Variants in CREB1 observed in about 807,000 individuals in gnomAD.
CREB1 encodes cyclic AMP-responsive element-binding protein 1.
CREB1 carries 2 observed loss-of-function variants against 42.0 expected under a neutral mutation model. The observed-to-expected ratio is 0.05, with a 90% confidence interval of 0.02 to 0.15. The LOEUF is 0.15. Among genes scored for constraint, CREB1 ranks in the 10% least tolerant of loss-of-function variants. The probability of loss-of-function intolerance (pLI) is 1.00; values close to 1 mark genes in which losing one functional copy is unlikely to be tolerated. For synonymous variants in CREB1, 123 were observed against 139.9 expected (o/e 0.88, Z 0.85); for missense variants, 199 against 388.9 (o/e 0.51, Z 4.11).
rs143420928 is a variant in CREB1, at chr2:207,596,410, G to T, written c.840-504G>T. ...ATGTAATTTTTAAGTGGTCATTTAG[G>T]TCTTGTTTGTTTATGGAGTTGTTTT... On this transcript the variant is annotated intron_variant, in intron 7 of 7. Coordinates refer to ENST00000353267, the MANE Select transcript of CREB1 (RefSeq NM_004379.5). 5.9e-3 allele frequency among the ~76,000 whole-genome samples: 894 copies of T among 152,234 alleles called. 4 individuals are homozygous for T. Among genetic ancestry groups the T allele is most frequent in the African/African-American group, 0.021 (852 of 41,554 alleles).
At chr2:207,580,864 C>G (rs1260265840) in intron 7 of CREB1, 1 of 219,184 alleles carries the variant, frequency 4.6e-6, no homozygotes, top group Non-Finnish European at 9.2e-6. Context: ...GATAGAGCAG[C>G]ACGTCTTTGA....
chr2:207,582,848 G>C, intron 7 of CREB1: 1 of 334,262 alleles, frequency 3.0e-6, no homozygotes, highest in South Asian at 2.3e-5. Context: ...AGCTGAGATG[G>C]CACTACTACT....
chr2:207,570,470 T>C, intron 5 of CREB1, 149 bp downstream of exon 5: 1 of 694,954 alleles, frequency 1.4e-6, no homozygotes. Context: ...CTCTTCACTA[T>C]GCAAAGGTCT....
intron 1 of CREB1, among the ~76,000 whole-genome samples, chr2:207,544,939 G>T (rs933862343): frequency 6.6e-6 from 1 of 152,202 alleles, no homozygotes. Flanking sequence ...TGGTGTGTAT[G>T]TACCACATTT....
intron 2 of CREB1, among the ~76,000 whole-genome samples, chr2:207,557,285 A>G (rs2081766764): frequency 6.6e-6 from 1 of 152,098 alleles, no homozygotes; most frequent in Non-Finnish European, 1.5e-5. Flanking sequence ...CTTTCTCCCT[A>G]CTTCCATTTT....
chr2:207,550,330 ATTCT>A (rs1258407954), intron 1 of CREB1: 12 of 131,632 alleles, frequency 9.1e-5, no homozygotes, highest in African/African-American at 2.9e-4. Flanking sequence ...AGTTGAGGTC[ATTCT>A]TTTTTTTTTT....
At position 207,604,007 on chromosome 2, in the gene CREB1, A is replaced by G. The variant is rs758045223; in HGVS notation, c.*6949A>G. Reference sequence around the variant, plus strand: ...TGTATTGGAAGGCTTAATGAATTTCATTTATTTTCTGCAACAACGATTACA... The same window carrying G: ...TGTATTGGAAGGCTTAATGAATTTCGTTTATTTTCTGCAACAACGATTACA... On this transcript the variant is annotated 3_prime_UTR_variant, in exon 8 of 8. Coordinates refer to ENST00000353267, the MANE Select transcript of CREB1 (RefSeq NM_004379.5). Among the ~76,000 whole-genome samples, 3 of 152,196 alleles carry G rather than the reference A, an allele frequency of 2.0e-5. No homozygotes were observed. The highest frequency in any genetic ancestry group is 7.2e-5 in the African/African-American group (3 of 41,460).
At chr2:207,549,308 G>A (rs139245098) in intron 1 of CREB1, among the ~76,000 whole-genome samples, 3 of 152,172 alleles carry the variant, frequency 2.0e-5, no homozygotes, top group Non-Finnish European at 4.4e-5. Context: ...ACTATTATTA[G>A]CATCAGAAAC....
At chr2:207,553,863 T>G (rs2081612209) in intron 1 of CREB1, among the ~76,000 whole-genome samples, 1 of 152,226 alleles carries the variant, frequency 6.6e-6, no homozygotes. Flanking sequence ...TAGTTTAGTG[T>G]TTAATCTTGC....
At chr2:207,584,317 T>C (rs1320645309) in intron 7 of CREB1, among the ~76,000 whole-genome samples, 2 of 152,224 alleles carry the variant, frequency 1.3e-5, no homozygotes, top group Non-Finnish European at 2.9e-5. Context: ...TTGCCAAAAC[T>C]TGACATTGTC....
intron 4 of CREB1, chr2:207,567,966 CAG>C (rs1209006972): frequency 6.5e-6 from 1 of 153,040 alleles, no homozygotes; most frequent in East Asian, 1.9e-4. Context: ...ATAATTGTCT[CAG>C]GGAGATGCTT....
intron 7 of CREB1, chr2:207,580,833 T>A (rs2082874750): frequency 4.5e-6 from 1 of 221,402 alleles, no homozygotes. Context: ...TGTGCCCATC[T>A]GGGTCTAGGA....
chr2:207,579,843 T>G (rs2082780540), intron 7 of CREB1, among the ~76,000 whole-genome samples: 1 of 152,104 alleles, frequency 6.6e-6, no homozygotes, highest in Non-Finnish European at 1.5e-5. Flanking sequence ...ACTTGGCAAA[T>G]CTAGTATTTT....
chr2:207,577,371 G>A (rs2709387), intron 6 of CREB1, 134 bp from the exon 7 acceptor site: 205,475 of 1,232,066 alleles, frequency 0.17, 18,441 homozygotes, highest in Non-Finnish European at 0.18. Context: ...TTCTTTCAAC[G>A]CTTTAGCCAG....
intron 3 of CREB1, among the ~76,000 whole-genome samples, chr2:207,561,609 C>A (rs1029713437): frequency 2.0e-5 from 3 of 152,162 alleles, no homozygotes; most frequent in African/African-American, 7.2e-5. Context: ...ATCCCCCGCA[C>A]CCTTCCTATT....
chr2:207,582,916 A>ATAT lies in CREB1; in HGVS notation c.839+5261_839+5262insTAT, dbSNP rs200152562. 3.4e-3 allele frequency: 794 copies of ATAT among 232,434 alleles called. 3 individuals carry two copies. Among genetic ancestry groups the ATAT allele is most frequent in the Middle Eastern group, 0.015 (24 of 1,574 alleles). The allele number at this position is 232,434 out of a possible 1,614,324, so 14.4% of individuals were successfully genotyped here. A position where few individuals can be genotyped will look rare whatever the true frequency, so the allele number is the denominator to read the frequency against. On this transcript the variant is annotated intron_variant, in intron 7 of 7. Transcript: ENST00000353267. ...AAAAAAACAAACAAACAAACAAAAA[A>ATAT]AAATATATATATATACATACACACA...
At chr2:207,532,627 C>T (rs546907023) in intron 1 of CREB1, among the ~76,000 whole-genome samples, 1 of 151,564 alleles carries the variant, frequency 6.6e-6, no homozygotes, top group Non-Finnish European at 1.5e-5. Context: ...GAGCCGAGAT[C>T]GCGCCACTGC....
intron 1 of CREB1, among the ~76,000 whole-genome samples, chr2:207,553,535 A>T (rs992620911): frequency 5.9e-5 from 9 of 152,258 alleles, no homozygotes; most frequent in African/African-American, 2.2e-4. Context: ...AAGTTTTCTT[A>T]TAATTTAGAA....
chr2:207,579,877 G>T (rs2082783354), intron 7 of CREB1, among the ~76,000 whole-genome samples: 1 of 151,994 alleles, frequency 6.6e-6, no homozygotes. Context: ...TTAACTCTAT[G>T]GAGTATTTGA....
Sources: allele counts gnomAD v4.1 joint callset (sites outside exome capture counted in the v4.1 genomes callset), GRCh38; gene constraint gnomAD v4.1.1; transcripts MANE v1.5; gene names NCBI Gene and HGNC (gene_info 2026-07-23, HGNC 2026-07-21).